MTUS2: variants seen among roughly 807,000 people sequenced by gnomAD.
MTUS2 encodes the protein microtubule associated scaffold protein 2, also known as microtubule-associated tumor suppressor candidate 2.
A neutral mutation model predicts 114.1 loss-of-function variants in MTUS2; 40 were observed. The ratio of observed to expected loss-of-function variants is 0.35; its 90% CI spans 0.27 to 0.46. The LOEUF (loss-of-function observed/expected upper bound fraction) is 0.46. MTUS2 is among the 20% of genes least tolerant of loss of function. The pLI is 1.00. For synonymous variants in MTUS2, 688 were observed against 672.0 expected, an observed-to-expected ratio of 1.02 and a Z score of -0.37; for missense variants, 1,679 against 1,705.4, an observed-to-expected ratio of 0.98 and a Z score of 0.27.
chr13:29,480,248 G>A lies in MTUS2; in HGVS notation c.3283G>A (p.Ala1095Thr). ...EVKRLGWQQQ[A>T]ELQELEERLQ... ...GAAGAGGCTGGGCTGGCAGCAGCAG[G>A]CCGAGCTCCAGGAGCTGGAGGAGCG... The change falls in exon 10 of 16, where the codon GCC (alanine) becomes ACC (threonine). Residue 1095 changes from alanine (A) to threonine (T), a missense_variant. Physicochemically the swap from Ala to Thr is moderately conservative, Grantham distance 58 (BLOSUM62 0). Around this residue, in one of 3 missense-constraint regions of MTUS2, gnomAD observed 822 missense variants for 899.7 expected, o/e 0.91. Transcript: ENST00000612955. The surrounding 1 kb of genome is among the most constrained non-coding windows in gnomAD (Gnocchi z 4.4). 6.4e-7 allele frequency: 1 copy of A among 1,553,470 alleles called. No homozygotes were observed. Among genetic ancestry groups the A allele is most frequent in the Non-Finnish European group, 8.7e-7 (1 of 1,148,186 alleles).
intron 2 of MTUS2, among the ~76,000 whole-genome samples, chr13:28,985,998 C>G (rs2095970566): frequency 6.6e-6 from 1 of 152,192 alleles, no homozygotes; most frequent in Admixed American, 6.5e-5. Context: ...ATCTCAATCT[C>G]TTTCTCTCGA....
chr13:29,317,375 C>T (rs1344259002), intron 6 of MTUS2, among the ~76,000 whole-genome samples: 1 of 152,106 alleles, frequency 6.6e-6, no homozygotes, highest in Non-Finnish European at 1.5e-5. Flanking sequence ...ATTTCCTTTC[C>T]TCTAGTCCTT....
intron 8 of MTUS2, among the ~76,000 whole-genome samples, chr13:29,361,851 T>C (rs1393118839): frequency 2.6e-5 from 4 of 152,198 alleles, no homozygotes; most frequent in Non-Finnish European, 5.9e-5. Flanking sequence ...TTCCATCCTG[T>C]AAGGAATGCA....
At chr13:29,085,656 T>C (rs550543460) in intron 4 of MTUS2, among the ~76,000 whole-genome samples, 47 of 152,336 alleles carry the variant, frequency 3.1e-4, no homozygotes, top group African/African-American at 1.1e-3. Flanking sequence ...CCATGGTGTA[T>C]ATGTACCACA....
At chr13:29,438,528 G>A (rs1877590589) in intron 8 of MTUS2, among the ~76,000 whole-genome samples, 1 of 152,094 alleles carries the variant, frequency 6.6e-6, no homozygotes, top group Non-Finnish European at 1.5e-5. Flanking sequence ...ACGGAGGAAG[G>A]GGCAAGGCAG....
At chr13:29,161,564 GCTCCCCGCAAGATAAAATTAATAACTTC>G (rs1893098313) in intron 5 of MTUS2, among the ~76,000 whole-genome samples, 1 of 152,110 alleles carries the variant, frequency 6.6e-6, no homozygotes, top group South Asian at 2.1e-4. Flanking sequence ...TTAATAACTT[GCTCCCCGCAAGATAAAATTAATAACTTC>G]CTCCCCTTTT....
At chr13:29,038,151 T>C (rs1566314833) in intron 4 of MTUS2, among the ~76,000 whole-genome samples, 1 of 152,256 alleles carries the variant, frequency 6.6e-6, no homozygotes, top group Non-Finnish European at 1.5e-5. Context: ...TTCATGGATT[T>C]ATCTACCTTT....
chr13:29,416,823 A>AGATTT (rs1555276019), intron 8 of MTUS2, among the ~76,000 whole-genome samples: 1 of 151,008 alleles, frequency 6.6e-6, no homozygotes, highest in African/African-American at 2.4e-5. Context: ...TTTTGCCTAG[A>AGATTT]GGTTTTGTTT....
rs1310990915 is a variant in MTUS2 at position 29,504,825 on chromosome 13, A to C, written c.*1619A>C. ...GTCTTTGAGCGTGCCCAAGGCGAGA[A>C]GAACCATGAGGGGGTCCTGCAGGGG... On this transcript the variant is annotated 3_prime_UTR_variant, in exon 16 of 16. Transcript: ENST00000612955. 1 of 232,906 alleles carries C rather than the reference A, an allele frequency of 4.3e-6. No individual in the cohort carries two copies. The highest frequency in any genetic ancestry group is 2.2e-5 in the African/African-American group (1 of 45,326). The allele number at this position is 232,906 out of a possible 1,614,324, so 14.4% of individuals were successfully genotyped here.
intron 8 of MTUS2, among the ~76,000 whole-genome samples, chr13:29,423,944 A>C (rs911656336): frequency 7.3e-5 from 11 of 151,184 alleles, no homozygotes; most frequent in East Asian, 1.9e-4. Context: ...GGCTCACGGC[A>C]ACCTCGGCCT....
intron 2 of MTUS2, among the ~76,000 whole-genome samples, chr13:29,006,575 G>A (rs182755235): frequency 1.5e-3 from 223 of 152,320 alleles, no homozygotes; most frequent in Non-Finnish European, 2.6e-3. Flanking sequence ...ATCCAAAGCA[G>A]AGGGTGCCAC....
At chr13:29,428,134 G>A (rs1461904229) in intron 8 of MTUS2, among the ~76,000 whole-genome samples, 1 of 152,190 alleles carries the variant, frequency 6.6e-6, no homozygotes. Flanking sequence ...TAAATATGAA[G>A]ATTTCATCAA....
At chr13:29,056,920 C>A (rs897772470) in intron 4 of MTUS2, among the ~76,000 whole-genome samples, 2 of 151,934 alleles carry the variant, frequency 1.3e-5, no homozygotes, top group African/African-American at 4.8e-5. Flanking sequence ...AATTTGATAT[C>A]TTTCCAACTT....
intron 5 of MTUS2, among the ~76,000 whole-genome samples, chr13:29,167,956 GTT>G (rs1271984087): frequency 1.3e-5 from 2 of 152,016 alleles, no homozygotes; most frequent in African/African-American, 4.8e-5. Flanking sequence ...CAAAACCAAT[GTT>G]TTTACGTCCT....
intron 5 of MTUS2, among the ~76,000 whole-genome samples, chr13:29,145,951 C>A (rs1319996525): frequency 6.6e-6 from 1 of 152,156 alleles, no homozygotes; most frequent in Non-Finnish European, 1.5e-5. Flanking sequence ...CTTTAAGGGA[C>A]AACATGGGTG....
chr13:29,126,161 C>G (rs1157592531), intron 5 of MTUS2, among the ~76,000 whole-genome samples: 1 of 152,118 alleles, frequency 6.6e-6, no homozygotes, highest in Non-Finnish European at 1.5e-5. Flanking sequence ...GTCCTCATAC[C>G]TGCACTTCCT....
rs76828973 is a variant in MTUS2 at position 28,848,989 on chromosome 13, C to A, written c.-243+9139C>A. On this transcript the variant is annotated intron_variant, in intron 2 of 15. Coordinates refer to ENST00000612955, the MANE Select transcript of MTUS2 (RefSeq NM_001033602.4). ...AGAAACCCCAGTCTGGATGAATAGC[C>A]TATATTGCTGCATGGTCTTCTTATA... 4.5e-3 allele frequency among the ~76,000 whole-genome samples: 679 copies of A among 152,276 alleles called. 6 individuals are homozygous for A. Among genetic ancestry groups the A allele is most frequent in the African/African-American group, 0.016 (650 of 41,548 alleles).
intron 5 of MTUS2, among the ~76,000 whole-genome samples, chr13:29,274,274 C>G (rs369929869): frequency 1.3e-5 from 2 of 152,002 alleles, no homozygotes; most frequent in African/African-American, 4.8e-5. Context: ...CCACAACTGG[C>G]TAATTTTTTG....
At chr13:28,863,033 T>C (rs1877087989) in intron 2 of MTUS2, among the ~76,000 whole-genome samples, 1 of 152,196 alleles carries the variant, frequency 6.6e-6, no homozygotes, top group Non-Finnish European at 1.5e-5. Context: ...GAAGAAATTA[T>C]AGAAAATGCA....
Sources: allele counts gnomAD v4.1 joint callset (sites outside exome capture counted in the v4.1 genomes callset), GRCh38; gene constraint gnomAD v4.1.1; regional missense constraint gnomAD v4.1.1; non-coding constraint Gnocchi (gnomAD v3.1); transcripts MANE v1.5; gene names NCBI Gene and HGNC (gene_info 2026-07-23, HGNC 2026-07-21).